Variants in EIF3L observed in about 807,000 individuals in gnomAD.
EIF3L encodes the protein eukaryotic translation initiation factor 3 subunit L.
In EIF3L, 32 loss-of-function variants were observed where a neutral mutation model predicts 74.6. That is an observed-to-expected ratio of 0.43 (90% CI 0.32 to 0.58). EIF3L has a LOEUF of 0.58. Among genes scored for constraint, EIF3L ranks in the 20% least tolerant of loss-of-function variants. The pLI is 0.06. For synonymous variants in EIF3L, 256 were observed against 254.4 expected (o/e 1.01, Z -0.06); for missense variants, 474 against 707.8 (o/e 0.67, Z 3.75).
At chr22:37,865,809 A>G (rs572245824) in intron 7 of EIF3L, among the ~76,000 whole-genome samples, 1 of 152,354 alleles carries the variant, frequency 6.6e-6, no homozygotes, top group South Asian at 2.1e-4. Context: ...GATGAATAGC[A>G]GTCTTTTTGA....
In EIF3L at chr22:37,859,374, CTTTTTT is replaced by C. The variant is rs34020382; in HGVS notation, c.435+650_435+655del. 1.6e-3 allele frequency among the ~76,000 whole-genome samples: 123 copies of C among 79,146 alleles called. 1 individual carries two copies. The highest frequency in any genetic ancestry group is 2.4e-3 in the Non-Finnish European group (109 of 45,512). The allele number at this position is 79,146 out of a possible 152,430, so 51.9% of individuals were successfully genotyped here. A position where few individuals can be genotyped will look rare whatever the true frequency, so the allele number is the denominator to read the frequency against. On this transcript the variant is annotated intron_variant, in intron 5 of 12. Coordinates refer to ENST00000652021, the MANE Select transcript of EIF3L (RefSeq NM_016091.4). ...CTAAATTATAGAGTACGTGAAGTTT[CTTTTTT>C]TTTTTTTTTTTTTTTGAGAGAGAGT... is the stretch of plus-strand genomic sequence containing the variant.
At chr22:37,869,091 A>G (rs574208981) in intron 7 of EIF3L, among the ~76,000 whole-genome samples, 14 of 152,192 alleles carry the variant, frequency 9.2e-5, no homozygotes, top group African/African-American at 4.8e-5. Flanking sequence ...TTGTTTTTAT[A>G]TTACAAAATT....
In EIF3L at chr22:37,875,931, A is replaced by C; in HGVS notation, c.997A>C (p.Ile333Leu). 1 of 1,614,138 alleles carries C rather than the reference A, an allele frequency of 6.2e-7. No individual in the cohort carries two copies. Among genetic ancestry groups the C allele is most frequent in the South Asian group, 1.1e-5 (1 of 91,084 alleles). Residue 333 changes from isoleucine to leucine, a missense_variant, in exon 10 of 13, where the codon ATC becomes CTC. Physicochemically the swap from Ile to Leu is conservative, Grantham distance 5. This residue lies in a region of EIF3L where 293 missense variants were observed against 469.1 expected (regional missense o/e 0.62). Coordinates refer to ENST00000652021, the MANE Select transcript of EIF3L (RefSeq NM_016091.4). ...YLMMRRYQDA[I>L]RVFANILLYI... ...GATGATGCGTCGTTACCAGGATGCC[A>C]TCCGGGTCTTCGCCAACATCCTCCT...
At chr22:37,858,942 A>G (rs1925692441) in intron 5 of EIF3L, among the ~76,000 whole-genome samples, 1 of 151,794 alleles carries the variant, frequency 6.6e-6, no homozygotes, top group Non-Finnish European at 1.5e-5. Flanking sequence ...TAACCTATGC[A>G]TTCTTTTAAA....
intron 7 of EIF3L, among the ~76,000 whole-genome samples, chr22:37,868,452 A>G (rs1247644751): frequency 6.8e-6 from 1 of 147,814 alleles, no homozygotes; most frequent in Non-Finnish European, 1.5e-5. Context: ...TATTCTGGAT[A>G]TTCTTTTTTT....
chr22:37,861,195 CA>C (rs1465412156), intron 5 of EIF3L, among the ~76,000 whole-genome samples: 1 of 152,114 alleles, frequency 6.6e-6, no homozygotes, highest in African/African-American at 2.4e-5. Flanking sequence ...CCAAGATCTC[CA>C]CCTAAGGAGG....
At chr22:37,863,546 C>G (rs192002724) in intron 7 of EIF3L, among the ~76,000 whole-genome samples, 1 of 152,116 alleles carries the variant, frequency 6.6e-6, no homozygotes, top group African/African-American at 2.4e-5. Context: ...AGCTGGAAGT[C>G]GGATAAGTTC....
rs139889595 is a variant in EIF3L at position 37,877,814 on chromosome 22, A to C, written c.1218A>C (p.Pro406=). The change falls in exon 11 of 13, where the codon CCA becomes CCC. Residue 406 remains proline (P), a synonymous_variant. Transcript: ENST00000652021. ...DKMLRMQKGD[P]QVYEELFSYS... ...TGTTGCGCATGCAGAAAGGTGACCCACAAGTCTATGAAGAACTTTTCAGTT... is the reference window on the plus strand; with the variant it reads ...TGTTGCGCATGCAGAAAGGTGACCCCCAAGTCTATGAAGAACTTTTCAGTT... 2.7e-4 allele frequency: 431 copies of C among 1,613,942 alleles called. 2 individuals carry two copies. Among genetic ancestry groups the C allele is most frequent in the South Asian group, 5.8e-4 (53 of 91,078 alleles).
chr22:37,878,314 A>G, intron 11 of EIF3L, 143 bp downstream of exon 11: 3 of 1,049,860 alleles, frequency 2.9e-6, no homozygotes. Context: ...GTGGTGGCTC[A>G]TGCCAGTAAT....
At position 37,878,509 on chromosome 22, in the gene EIF3L, G is replaced by T. The variant is rs1926876752; in HGVS notation, c.1575+338G>T. On this transcript the variant is annotated intron_variant, in intron 11 of 12. Transcript: ENST00000652021. ...ATGGAATTTCGCTCTCGTTGCCCAGGCTAGAATGTGATGGCACGATCTCGG... is the reference window on the plus strand; with the variant it reads ...ATGGAATTTCGCTCTCGTTGCCCAGTCTAGAATGTGATGGCACGATCTCGG... The T allele has an allele frequency of 3.9e-5, 7 of 178,464 alleles. 1 individual carries two copies. In the South Asian group the frequency reaches 8.2e-4, roughly 21 times the overall value. 11.1% of individuals were successfully genotyped at this position (178,464 alleles called of 1,614,324 possible).
intron 7 of EIF3L, 74 bp downstream of exon 7, chr22:37,863,419 A>G: frequency 7.9e-7 from 1 of 1,267,106 alleles, no homozygotes; most frequent in Non-Finnish European, 1.1e-6. Context: ...TGTTTGTGTA[A>G]AAAAGCTGCA....
intron 8 of EIF3L, among the ~76,000 whole-genome samples, chr22:37,872,994 T>G (rs1926553932): frequency 6.6e-6 from 1 of 152,146 alleles, no homozygotes; most frequent in African/African-American, 2.4e-5. Context: ...CTTTTTTTAT[T>G]TTTATTTTTT....
chr22:37,860,486 C>T (rs1925799200), intron 5 of EIF3L, among the ~76,000 whole-genome samples: 1 of 152,184 alleles, frequency 6.6e-6, no homozygotes, highest in Non-Finnish European at 1.5e-5. Flanking sequence ...GATTCTCCTT[C>T]CTCAGCCTCC....
intron 9 of EIF3L, 127 bp from the exon 10 acceptor site, chr22:37,875,714 T>C (rs139329181): frequency 4.9e-6 from 4 of 812,142 alleles, no homozygotes; most frequent in Non-Finnish European, 5.7e-6. Context: ...GCTCTCAAAC[T>C]CTGGGACTCC....
rs1187538172 is a variant in EIF3L at position 37,851,410 on chromosome 22, G to A, written c.213G>A (p.Val71=). 2.5e-6 allele frequency: 4 copies of A among 1,614,036 alleles called. No homozygotes were observed. The highest frequency in any genetic ancestry group is 1.7e-5 in the Admixed American group (1 of 59,998). Residue 71 remains valine, a synonymous_variant, in exon 3 of 13, where the codon GTG becomes GTA. Transcript: ENST00000652021. ...TCTCAGATTTGATTGACCAGAAAGT[G>A]TATGAGCTACAGGCCAGTCGTGTCT... ...KTVSDLIDQK[V]YELQASRVSS... is the part of the protein sequence containing the mutation.
Position 37,888,667 on chromosome 22 carries a change from G to C in EIF3L, c.*203G>C. 1.7e-6 allele frequency: 1 copy of C among 587,504 alleles called. No homozygotes were observed. The highest frequency in any genetic ancestry group is 2.2e-5 in the South Asian group (1 of 45,532). 36.4% of individuals were successfully genotyped at this position (587,504 alleles called of 1,614,324 possible). A position where few individuals can be genotyped will look rare whatever the true frequency, so the allele number is the denominator to read the frequency against. ...CATTATTGTAGGAGAGAATTTGTGGGTTGTGGCAGTAATACATTTCCCATG... is the reference window on the plus strand; with the variant it reads ...CATTATTGTAGGAGAGAATTTGTGGCTTGTGGCAGTAATACATTTCCCATG... On this transcript the variant is annotated 3_prime_UTR_variant, in exon 13 of 13. Transcript: ENST00000652021.
chr22:37,886,989 C>T (rs779222946), intron 12 of EIF3L, 144 bp downstream of exon 12: 31 of 583,968 alleles, frequency 5.3e-5, no homozygotes, highest in East Asian at 2.7e-4. Context: ...AGTGCAGCGA[C>T]GTGATCTTAG....
At chr22:37,859,187 G>A (rs539631119) in intron 5 of EIF3L, among the ~76,000 whole-genome samples, 166 of 151,498 alleles carry the variant, frequency 1.1e-3, no homozygotes, top group African/African-American at 3.8e-3. Context: ...ACTATCAATC[G>A]TGCAAAGTTG....
chr22:37,863,135 CT>C, intron 6 of EIF3L, 97 bp downstream of exon 6: 11 of 1,104,714 alleles, frequency 1.0e-5, no homozygotes, highest in African/African-American at 1.7e-5. Context: ...TTAGCAGGAT[CT>C]TAATGTGTAG....
Sources: gnomAD v4.1 joint callset for allele counts (sites outside exome capture counted in the v4.1 genomes callset) on GRCh38, gnomAD v4.1.1 for gene constraint, gnomAD v4.1.1 regional missense constraint, MANE v1.5 for transcripts, NCBI Gene and HGNC (gene_info 2026-07-23, HGNC 2026-07-21) for gene names.